Variants in RYR3 observed in about 807,000 individuals in gnomAD.
RYR3 encodes ryanodine receptor 3, also known as brain ryanodine receptor-calcium release channel.
Under a neutral mutation model 584.3 loss-of-function variants are expected in RYR3, and 207 were observed. The observed-to-expected ratio is 0.35, with a 90% CI of 0.32 to 0.40. RYR3 has a LOEUF of 0.40. RYR3 is among the 10% of genes least tolerant of loss of function. RYR3 has a pLI of 1.00. For synonymous variants in RYR3, 2,416 were observed against 2,248.5 expected (o/e 1.07, Z -2.11); for missense variants, 5,616 against 6,089.2 (o/e 0.92, Z 2.59).
At chr15:33,765,632 C>CAAAAAAAAA (rs761552773) in intron 60 of RYR3, among the ~76,000 whole-genome samples, 14 of 60,938 alleles carry the variant, frequency 2.3e-4, no homozygotes, top group East Asian at 1.0e-3. Context: ...GACTCCGTCT[C>CAAAAAAAAA]AAAAAAAAAA....
At chr15:33,435,604 A>C (rs750567592) in intron 1 of RYR3, among the ~76,000 whole-genome samples, 6 of 152,158 alleles carry the variant, frequency 3.9e-5, no homozygotes, top group Non-Finnish European at 8.8e-5. Flanking sequence ...TGTGTCTCGC[A>C]TTTATTCCTT....
chr15:33,390,666 A>G lies in RYR3; in HGVS notation c.51+79570A>G, dbSNP rs2041937975. 6.6e-6 allele frequency among the ~76,000 whole-genome samples: 1 copy of G among 152,184 alleles called. No homozygotes were observed. Among genetic ancestry groups the G allele is most frequent in the African/African-American group, 2.4e-5 (1 of 41,452 alleles). ...AACTTGGTACTTGTCCCATTCTCTA[A>G]GAAATCAGAGTGGTTCACTCTGCGT... On this transcript the variant is annotated intron_variant, in intron 1 of 103. Coordinates refer to ENST00000634891, the MANE Select transcript of RYR3 (RefSeq NM_001036.6). The surrounding 1 kb of genome is among the most constrained non-coding windows in gnomAD (Gnocchi z 4.2).
chr15:33,559,187 G>A (rs1239526800), intron 10 of RYR3, among the ~76,000 whole-genome samples: 1 of 152,110 alleles, frequency 6.6e-6, no homozygotes, highest in Non-Finnish European at 1.5e-5. Context: ...ACCATTTTAG[G>A]AATTGGCTAG....
intron 1 of RYR3, among the ~76,000 whole-genome samples, chr15:33,464,017 A>G (rs1417844682): frequency 6.6e-6 from 1 of 150,886 alleles, no homozygotes; most frequent in Non-Finnish European, 1.5e-5. Flanking sequence ...CTAATCTTTC[A>G]TTCAGTGACT....
Position 33,865,316 on chromosome 15 carries a change from G to A in RYR3, c.*90G>A, listed in dbSNP as rs192105906. Reference sequence around the variant, plus strand: ...TACAGTTCTGCAACATATCTGAAATGTGACATTTTCTAAATGCCTCCCTTA... The same window carrying A: ...TACAGTTCTGCAACATATCTGAAATATGACATTTTCTAAATGCCTCCCTTA... On this transcript the variant is annotated 3_prime_UTR_variant, in exon 104 of 104. Coordinates refer to ENST00000634891, the MANE Select transcript of RYR3 (RefSeq NM_001036.6). 3 of 863,900 alleles carry A rather than the reference G, an allele frequency of 3.5e-6. No individual in the cohort carries two copies. Among genetic ancestry groups the A allele is most frequent in the African/African-American group, 3.4e-5 (2 of 58,794 alleles). 53.5% of individuals were successfully genotyped at this position (863,900 alleles called of 1,614,324 possible).
intron 3 of RYR3, among the ~76,000 whole-genome samples, chr15:33,512,162 A>C (rs1050088778): frequency 6.6e-6 from 1 of 152,210 alleles, no homozygotes; most frequent in African/African-American, 2.4e-5. Flanking sequence ...GTGAGATGAC[A>C]CAAGTGTGTA....
chr15:33,379,687 C>CTCTCTCTCTCTATATATATATATA, intron 1 of RYR3, among the ~76,000 whole-genome samples: 4 of 125,522 alleles, frequency 3.2e-5, no homozygotes, highest in African/African-American at 1.4e-4. Flanking sequence ...CTCTCTCTCT[C>CTCTCTCTCTCTATATATATATATA]TATATATATA....
At chr15:33,393,532 G>T (rs112134721) in intron 1 of RYR3, among the ~76,000 whole-genome samples, 8 of 152,306 alleles carry the variant, frequency 5.3e-5, no homozygotes, top group African/African-American at 1.9e-4. Flanking sequence ...GCTTATTATT[G>T]ATAGGGAGGG....
intron 60 of RYR3, among the ~76,000 whole-genome samples, chr15:33,762,083 A>T (rs1327271711): frequency 6.6e-6 from 1 of 152,192 alleles, no homozygotes; most frequent in Non-Finnish European, 1.5e-5. Context: ...AACACTCAAT[A>T]AACTAGGTGT....
At chr15:33,683,346 G>A (rs2064769373) in intron 38 of RYR3, among the ~76,000 whole-genome samples, 1 of 152,072 alleles carries the variant, frequency 6.6e-6, no homozygotes, top group African/African-American at 2.4e-5. Flanking sequence ...CTAAAGGGTA[G>A]CATTTCTAAA....
intron 1 of RYR3, among the ~76,000 whole-genome samples, chr15:33,335,790 T>C (rs1970895372): frequency 6.6e-6 from 1 of 152,096 alleles, no homozygotes; most frequent in South Asian, 2.1e-4. Flanking sequence ...CCCTACCTGC[T>C]ATTTATGTAT....
chr15:33,583,636 G>A (rs933138843), intron 14 of RYR3, among the ~76,000 whole-genome samples: 1 of 152,174 alleles, frequency 6.6e-6, no homozygotes, highest in East Asian at 1.9e-4. Flanking sequence ...AGTATAGAAA[G>A]AGGTTGGGTG....
chr15:33,449,973 A>G (rs2046973803), intron 1 of RYR3, among the ~76,000 whole-genome samples: 1 of 151,150 alleles, frequency 6.6e-6, no homozygotes, highest in Non-Finnish European at 1.5e-5. Flanking sequence ...CCTAGTTTGA[A>G]TTACTGCTTA....
At chr15:33,788,132 C>T (rs1004292005) in intron 66 of RYR3, 86 bp from the exon 67 acceptor site, 13 of 1,549,480 alleles carry the variant, frequency 8.4e-6, no homozygotes, top group South Asian at 1.2e-5. Flanking sequence ...CGATGGGATT[C>T]CACGGCCTCA....
At chr15:33,694,533 T>C (rs1364575363) in intron 38 of RYR3, among the ~76,000 whole-genome samples, 4 of 143,692 alleles carry the variant, frequency 2.8e-5, no homozygotes, top group African/African-American at 9.8e-5. Flanking sequence ...CGTGAGCCAC[T>C]GCGCCTGGCC....
intron 85 of RYR3, among the ~76,000 whole-genome samples, chr15:33,828,520 AATG>A (rs1369217827): frequency 4.6e-5 from 7 of 152,220 alleles, no homozygotes; most frequent in Non-Finnish European, 1.0e-4. Context: ...TGAGCATATG[AATG>A]ATAAGAAAGC....
intron 5 of RYR3, among the ~76,000 whole-genome samples, chr15:33,538,581 A>G (rs1339139313): frequency 1.3e-5 from 2 of 152,144 alleles, no homozygotes; most frequent in Non-Finnish European, 2.9e-5. Flanking sequence ...GTGGAGGAGG[A>G]GAGGTCTTCT....
At chr15:33,640,621 C>G (rs11072574) in intron 27 of RYR3, among the ~76,000 whole-genome samples, 5 of 152,086 alleles carry the variant, frequency 3.3e-5, no homozygotes, top group Admixed American at 6.5e-5. Flanking sequence ...ATAAGATTAC[C>G]CCCCTGCTCT....
intron 45 of RYR3, among the ~76,000 whole-genome samples, 161 bp downstream of exon 45, chr15:33,724,337 G>A (rs1474994962): frequency 1.3e-5 from 2 of 152,100 alleles, no homozygotes; most frequent in South Asian, 2.1e-4. Flanking sequence ...CCTCTGATAC[G>A]TGACTCTGCT....
Sources: allele counts gnomAD v4.1 joint callset (sites outside exome capture counted in the v4.1 genomes callset), GRCh38; gene constraint gnomAD v4.1.1; non-coding constraint Gnocchi (gnomAD v3.1); transcripts MANE v1.5; gene names NCBI Gene and HGNC (gene_info 2026-07-23, HGNC 2026-07-21).